Variants in LIAT1 observed in about 807,000 individuals in gnomAD.
LIAT1 encodes ligand of ATE1, also known as protein LIAT1.
the LIAT1 span, chr17:413,512 G>A: frequency 6.8e-7 from 1 of 1,479,798 alleles, no homozygotes; most frequent in Admixed American, 1.8e-5. Flanking sequence ...ACGCCCTCAA[G>A]GGCTTCCACC....
At chr17:412,996 G>A in the LIAT1 span, 1 of 747,356 alleles carries the variant, frequency 1.3e-6, no homozygotes, top group African/African-American at 1.8e-5. Context: ...CACACAGGCA[G>A]GTGGGCACGA....
chr17:410,729 A>C, the LIAT1 span: 1 of 1,340,662 alleles, frequency 7.5e-7, no homozygotes, highest in Non-Finnish European at 1.0e-6. Flanking sequence ...TACCCTTCAG[A>C]CCGGAAACAG....
the LIAT1 span, among the ~76,000 whole-genome samples, chr17:412,878 G>A: frequency 1.3e-5 from 2 of 152,230 alleles, no homozygotes; most frequent in African/African-American, 4.8e-5. Flanking sequence ...TTGGAGCTTC[G>A]GTTTCCTCAC....
the LIAT1 span, chr17:410,610 A>G: frequency 1.3e-6 from 2 of 1,544,142 alleles, no homozygotes; most frequent in Non-Finnish European, 1.7e-6. Flanking sequence ...GAAGAAAAAA[A>G]GGAAGAAGAA....
the LIAT1 span, chr17:410,367 G>GAGGT: frequency 6.6e-7 from 1 of 1,508,020 alleles, no homozygotes; most frequent in African/African-American, 1.4e-5. Flanking sequence ...CCCTGGCCTG[G>GAGGT]CGGTCCGCGC....
At chr17:412,827 C>T in the LIAT1 span, among the ~76,000 whole-genome samples, 13 of 152,258 alleles carry the variant, frequency 8.5e-5, no homozygotes, top group Admixed American at 6.5e-4. Flanking sequence ...CAGGTCCCAG[C>T]TCTGCCACTC....
chr17:411,643 G>C, the LIAT1 span, among the ~76,000 whole-genome samples: 34 of 152,288 alleles, frequency 2.2e-4, no homozygotes, highest in Middle Eastern at 0.024. Flanking sequence ...GTAGTCATAT[G>C]CAGGCAGGAA....
At chr17:412,353 T>C in the LIAT1 span, among the ~76,000 whole-genome samples, 1 of 151,948 alleles carries the variant, frequency 6.6e-6, no homozygotes, top group Non-Finnish European at 1.5e-5. Context: ...TGGCAGTTCA[T>C]TGTCCTTTTG....
the LIAT1 span, among the ~76,000 whole-genome samples, chr17:411,280 C>T: frequency 2.0e-5 from 3 of 152,228 alleles, no homozygotes; most frequent in Non-Finnish European, 4.4e-5. Flanking sequence ...CTCAACCACT[C>T]CCCGCTTCAT....
the LIAT1 span, among the ~76,000 whole-genome samples, chr17:412,347 AG>A: frequency 0.012 from 1,805 of 152,034 alleles, 15 homozygotes; most frequent in Non-Finnish European, 0.018. Context: ...GAAATTTGGC[AG>A]TTCATTGTCC....
the LIAT1 span, chr17:414,179 CCAT>C: frequency 6.5e-7 from 1 of 1,538,066 alleles, no homozygotes. This position sits in a 1 kb window ranked among gnomAD's most constrained non-coding sequence, Gnocchi z 4.1. Context: ...GTGTTAAAAA[CCAT>C]CATCATAAAA....
At chr17:414,159 A>C in the LIAT1 span, 11 of 1,581,216 alleles carry the variant, frequency 7.0e-6, 1 homozygote, top group South Asian at 1.3e-4. This position sits in a 1 kb window ranked among gnomAD's most constrained non-coding sequence, Gnocchi z 4.1. Flanking sequence ...CCTCCTCACC[A>C]CAAGTTTATG....
chr17:413,609 C>T, the LIAT1 span: 1 of 1,545,654 alleles, frequency 6.5e-7, no homozygotes, highest in African/African-American at 1.5e-5. Flanking sequence ...CAAGGGCTTC[C>T]ACCCCGACCC....
chr17:411,466 C>G, the LIAT1 span, among the ~76,000 whole-genome samples: 7 of 152,118 alleles, frequency 4.6e-5, no homozygotes, highest in Non-Finnish European at 8.8e-5. Flanking sequence ...CCCAGGACTT[C>G]CAGGCTGCAG....
At chr17:410,423 G>T in the LIAT1 span, 3 of 1,535,214 alleles carry the variant, frequency 2.0e-6, 1 homozygote, top group South Asian at 2.4e-5. Context: ...CGCCCCCGGG[G>T]CGGGTTGGGT....
chr17:413,648 C>T, the LIAT1 span: 8 of 1,567,710 alleles, frequency 5.1e-6, no homozygotes, highest in Non-Finnish European at 6.9e-6. Context: ...CCACCCCGAC[C>T]CTGAGGCCCT....
At chr17:414,287 C>T in the LIAT1 span, 3 of 745,434 alleles carry the variant, frequency 4.0e-6, no homozygotes, top group Non-Finnish European at 6.6e-6. The surrounding 1 kb of genome is among the most constrained non-coding windows in gnomAD (Gnocchi z 4.1). Flanking sequence ...CCCAGGAGAG[C>T]CACAGTGCCT....
the LIAT1 span, chr17:410,407 C>T: frequency 4.7e-4 from 715 of 1,532,420 alleles, 2 homozygotes; most frequent in African/African-American, 8.7e-3. Flanking sequence ...GGCATCGGGC[C>T]TCGGGCGCCC....
the LIAT1 span, among the ~76,000 whole-genome samples, chr17:411,538 A>G: frequency 6.6e-6 from 1 of 152,174 alleles, no homozygotes; most frequent in East Asian, 1.9e-4. Context: ...GTCTCTCAAA[A>G]AAACAAACAA....
Sources: allele counts gnomAD v4.1 joint callset (sites outside exome capture counted in the v4.1 genomes callset), GRCh38; gene constraint gnomAD v4.1.1; non-coding constraint Gnocchi (gnomAD v3.1); transcripts MANE v1.5; gene names NCBI Gene and HGNC (gene_info 2026-07-23, HGNC 2026-07-21).